Variants in ZNF229 observed in about 807,000 individuals in gnomAD.
ZNF229 encodes the protein zinc finger protein 229.
ZNF229 carries 10 observed loss-of-function variants against 11.8 expected under a neutral mutation model. The ratio of observed to expected loss-of-function variants is 0.85; its 90% CI spans 0.52 to 1.44. The LOEUF (loss-of-function observed/expected upper bound fraction) is 1.44. Among genes scored for constraint, ZNF229 ranks in the 40% most tolerant of loss-of-function variants. ZNF229 has a pLI of 0.00. For synonymous variants in ZNF229, 368 were observed against 374.8 expected (o/e 0.98, Z 0.21); for missense variants, 1,045 against 1,015.1 (o/e 1.03, Z -0.40).
At chr19:44,443,835 A>G (rs1448532181) in intron 2 of ZNF229, among the ~76,000 whole-genome samples, 1 of 152,294 alleles carries the variant, frequency 6.6e-6, no homozygotes, top group African/African-American at 2.4e-5. Flanking sequence ...TTAGACTAGT[A>G]TAATTTTTTT....
intron 2 of ZNF229, among the ~76,000 whole-genome samples, chr19:44,445,947 TGGC>T (rs1971995949): frequency 6.6e-6 from 1 of 152,216 alleles, no homozygotes; most frequent in African/African-American, 2.4e-5. Flanking sequence ...AGGACTATGC[TGGC>T]TGTGTTGGGA....
chr19:44,435,868 C>A (rs1971804237), intron 4 of ZNF229, among the ~76,000 whole-genome samples: 1 of 152,218 alleles, frequency 6.6e-6, no homozygotes, highest in Non-Finnish European at 1.5e-5. Context: ...TGTATCTTAG[C>A]CTCAGGCAAT....
chr19:44,437,558 G>A (rs1407482926), intron 4 of ZNF229, among the ~76,000 whole-genome samples: 1 of 152,154 alleles, frequency 6.6e-6, no homozygotes, highest in Non-Finnish European at 1.5e-5. Flanking sequence ...AAGCAGTGTG[G>A]TGATTCCTAA....
chr19:44,429,402 G>A lies in ZNF229; in HGVS notation c.1379C>T (p.Pro460Leu). ...KHQHIHPGEK[P>L]YSCGECGKGF... ...CTTTCCACACTCGCCACAGCTGTAGGGCTTTTCTCCAGGGTGAATGTGCTG... is the reference window on the plus strand; with the variant it reads ...CTTTCCACACTCGCCACAGCTGTAGAGCTTTTCTCCAGGGTGAATGTGCTG... The change falls in exon 6 of 6, where the codon CCC (proline) becomes CTC (leucine). Residue 460 changes from proline to leucine, a missense_variant. Pro to Leu is a moderately conservative substitution (Grantham distance 98, BLOSUM62 -3). Coordinates refer to ENST00000614049, the MANE Select transcript of ZNF229 (RefSeq NM_014518.4). 6.2e-7 allele frequency: 1 copy of A among 1,614,018 alleles called. No homozygotes were observed. The highest frequency in any genetic ancestry group is 8.5e-7 in the Non-Finnish European group (1 of 1,180,038).
At position 44,428,596 on chromosome 19, in the gene ZNF229, TAAG is replaced by T; in HGVS notation, c.2182_2184del (p.Leu728del). On this transcript the variant is annotated inframe_deletion, in exon 6 of 6. Coordinates refer to ENST00000614049, the MANE Select transcript of ZNF229 (RefSeq NM_014518.4). ...TCGCCAGTGTGCACTCTCTTATGACTAAGGAGACCTGAGCCATATCTGAAACCC... is the reference window on the plus strand; with the variant it reads ...TCGCCAGTGTGCACTCTCTTATGACTGAGACCTGAGCCATATCTGAAACCC... The T allele has an allele frequency of 6.2e-7, 1 of 1,613,906 alleles. No homozygotes were observed. Among genetic ancestry groups the T allele is most frequent in the Admixed American group, 1.7e-5 (1 of 60,006 alleles).
chr19:44,445,381 C>T (rs1462923747), intron 2 of ZNF229, among the ~76,000 whole-genome samples: 1 of 152,210 alleles, frequency 6.6e-6, no homozygotes, highest in African/African-American at 2.4e-5. Flanking sequence ...AAACCTTGCA[C>T]CAAGGTCCTT....
In ZNF229 at chr19:44,441,462, T is replaced by C. The variant is rs554283647; in HGVS notation, c.93+1101A>G. Among the ~76,000 whole-genome samples the C allele has an allele frequency of 1.2e-4, 18 of 152,336 alleles. No individual in the cohort carries two copies. In the East Asian group the frequency reaches 2.9e-3, roughly 24 times the overall value. ...ATGTGTTGAAAAAACATACTTAAAA[T>C]TCTGCAATGGCTATGATTTTTTTCA... On this transcript the variant is annotated intron_variant, in intron 4 of 5. Transcript: ENST00000614049.
chr19:44,427,045 G>A lies in ZNF229; in HGVS notation c.*1258C>T, dbSNP rs1971586087. 1 of 152,106 alleles carries A rather than the reference G, an allele frequency of 6.6e-6. No homozygotes were observed. Among genetic ancestry groups the A allele is most frequent in the Non-Finnish European group, 1.5e-5 (1 of 68,046 alleles). 9.4% of individuals were successfully genotyped at this position (152,106 alleles called of 1,614,324 possible). ...CTTCTTCACAAGGGGACAGGAGAGAGACAGCGAGGAAGGGCTACACCTTAA... is the reference window on the plus strand; with the variant it reads ...CTTCTTCACAAGGGGACAGGAGAGAAACAGCGAGGAAGGGCTACACCTTAA... On this transcript the variant is annotated 3_prime_UTR_variant, in exon 6 of 6. Coordinates refer to ENST00000614049, the MANE Select transcript of ZNF229 (RefSeq NM_014518.4).
intron 5 of ZNF229, 113 bp from the exon 6 acceptor site, chr19:44,430,655 T>C: frequency 1.0e-6 from 1 of 983,316 alleles, no homozygotes; most frequent in Non-Finnish European, 1.5e-6. Flanking sequence ...GCTTTATGTA[T>C]CATAACTATT....
rs1319619035 is a variant in ZNF229, at chr19:44,427,796, T to C, written c.*507A>G. The C allele has an allele frequency of 6.5e-6, 1 of 153,854 alleles. No individual in the cohort carries two copies. The highest frequency in any genetic ancestry group is 6.4e-5 in the Admixed American group (1 of 15,568). 9.5% of individuals were successfully genotyped at this position (153,854 alleles called of 1,614,324 possible). A position where few individuals can be genotyped will look rare whatever the true frequency, so the allele number is the denominator to read the frequency against. ...AGATCTGCCAAGAGAACTTTGTTCCTGGTCTTCTCAGAGTGACTTGTTTCA... is the reference window on the plus strand; with the variant it reads ...AGATCTGCCAAGAGAACTTTGTTCCCGGTCTTCTCAGAGTGACTTGTTTCA... On this transcript the variant is annotated 3_prime_UTR_variant, in exon 6 of 6. Coordinates refer to ENST00000614049, the MANE Select transcript of ZNF229 (RefSeq NM_014518.4).
Position 44,446,853 on chromosome 19 carries a change from G to A in ZNF229, c.-178+660C>T, listed in dbSNP as rs147436361. On this transcript the variant is annotated intron_variant, in intron 2 of 5. Transcript: ENST00000614049. ...ATTCCTGTTTTCCAACAAGAATGTA[G>A]GTGCTATCAGGTGAACATATGTGGC... is the stretch of plus-strand genomic sequence containing the variant. Among the ~76,000 whole-genome samples, 328 of 145,982 alleles carry A rather than the reference G, an allele frequency of 2.2e-3. 1 individual carries two copies. Among genetic ancestry groups the A allele is most frequent in the African/African-American group, 7.7e-3 (311 of 40,352 alleles).
At chr19:44,433,325 G>C (rs1971756822) in intron 4 of ZNF229, among the ~76,000 whole-genome samples, 1 of 152,004 alleles carries the variant, frequency 6.6e-6, no homozygotes, top group Non-Finnish European at 1.5e-5. Context: ...ACAAAGTGTT[G>C]GGATTAACAG....
Position 44,428,635 on chromosome 19 carries a change from CACA to C in ZNF229, c.2143_2145del (p.Cys715del), listed in dbSNP as rs763337179. ...CCATATCTGAAACCCTTCCCACATT[CACA>C]ACAAGTGTAGGGTTTCTCTCCTGTG... On this transcript the variant is annotated inframe_deletion, in exon 6 of 6. Transcript: ENST00000614049. 7 of 1,613,876 alleles carry C rather than the reference CACA, an allele frequency of 4.3e-6. No homozygotes were observed. Among genetic ancestry groups the C allele is most frequent in the East Asian group, 2.2e-5 (1 of 44,848 alleles).
chr19:44,432,171 A>G, intron 5 of ZNF229, 51 bp downstream of exon 5: 1 of 1,556,730 alleles, frequency 6.4e-7, no homozygotes, highest in Non-Finnish European at 8.6e-7. Context: ...AAAGCCAAAA[A>G]TATCTTCTCT....
In ZNF229 at chr19:44,430,226, T is replaced by C. The variant is rs757448197; in HGVS notation, c.555A>G (p.Gln185=). The change falls in exon 6 of 6, where the codon CAA becomes CAG. Residue 185 remains glutamine (Q), a synonymous_variant. Coordinates refer to ENST00000614049, the MANE Select transcript of ZNF229 (RefSeq NM_014518.4). ...AWRAIRPIPI[Q]GSWAKAFVNQ... is the part of the protein sequence containing the mutation. ...TCACAAACGCTTTTGCCCAAGATCC[T>C]TGAATGGGGATTGGTCTTATAGCTC... is the stretch of plus-strand genomic sequence containing the variant. The C allele has an allele frequency of 8.7e-6, 14 of 1,614,024 alleles. No individual in the cohort carries two copies. The highest frequency in any genetic ancestry group is 3.3e-5 in the South Asian group (3 of 91,088).
chr19:44,429,047 C>T lies in ZNF229; in HGVS notation c.1734G>A (p.Gly578=). The change falls in exon 6 of 6, where the codon GGG becomes GGA. Residue 578 remains glycine (G), a synonymous_variant. Coordinates refer to ENST00000614049, the MANE Select transcript of ZNF229 (RefSeq NM_014518.4). ...GEKPYKCSEC[G]KGFRRNSDLH... ...GGTCTGAATTCCGCCGGAAGCCCTT[C>T]CCACACTCACTGCATTTATAGGGTT... 2 of 1,613,278 alleles carry T rather than the reference C, an allele frequency of 1.2e-6. No homozygotes were observed. The highest frequency in any genetic ancestry group is 1.7e-6 in the Non-Finnish European group (2 of 1,179,814).
chr19:44,435,188 A>G (rs1378391715), intron 4 of ZNF229, among the ~76,000 whole-genome samples: 1 of 152,186 alleles, frequency 6.6e-6, no homozygotes, highest in Non-Finnish European at 1.5e-5. Flanking sequence ...TTTTTCAAGA[A>G]ATATTCAGTA....
In ZNF229 at chr19:44,427,941, AC is replaced by A; in HGVS notation, c.*361del. The A allele has an allele frequency of 5.2e-6, 1 of 190,672 alleles. No homozygotes were observed. Among genetic ancestry groups the A allele is most frequent in the Admixed American group, 5.2e-5 (1 of 19,078 alleles). 11.8% of individuals were successfully genotyped at this position (190,672 alleles called of 1,614,324 possible). ...CTGTCCCATTGGTAGCTATCAACCC[AC>A]ACAAAGAATCTATGTCCATAATTAG... On this transcript the variant is annotated 3_prime_UTR_variant, in exon 6 of 6. Coordinates refer to ENST00000614049, the MANE Select transcript of ZNF229 (RefSeq NM_014518.4).
Position 44,429,092 on chromosome 19 carries a change from C to G in ZNF229, c.1689G>C (p.Gln563His), listed in dbSNP as rs1361781360. 4 of 1,613,454 alleles carry G rather than the reference C, an allele frequency of 2.5e-6. No individual in the cohort carries two copies. The highest frequency in any genetic ancestry group is 3.4e-6 in the Non-Finnish European group (4 of 1,179,876). Residue 563 changes from glutamine to histidine, a missense_variant, in exon 6 of 6, where the codon CAG (glutamine) becomes CAC (histidine). Physicochemically the swap from Gln to His is conservative, Grantham distance 24 (BLOSUM62 0). Transcript: ENST00000614049. ...FGRSSDLHIH[Q>H]RVHTGEKPYK... Reference sequence around the variant, plus strand: ...AGGGTTTCTCTCCTGTGTGGACCCTCTGATGGATGTGGAGGTCGGAGCTCC... The same window carrying G: ...AGGGTTTCTCTCCTGTGTGGACCCTGTGATGGATGTGGAGGTCGGAGCTCC...
Sources: allele counts gnomAD v4.1 joint callset (sites outside exome capture counted in the v4.1 genomes callset), GRCh38; gene constraint gnomAD v4.1.1; transcripts MANE v1.5; gene names NCBI Gene and HGNC (gene_info 2026-07-23, HGNC 2026-07-21).